The following RSPO1 variants were observed in gnomAD, a reference collection of about 807,000 sequenced individuals.
RSPO1 encodes R-spondin 1, also known as R-spondin-1.
In RSPO1, 18 loss-of-function variants were observed where a neutral mutation model predicts 26.0. The ratio of observed to expected loss-of-function variants is 0.69; its 90% confidence interval spans 0.48 to 1.03. The LOEUF is 1.03. RSPO1 is among the 50% of genes least tolerant of loss of function. The probability of loss-of-function intolerance (pLI) is 0.00; values close to 1 mark genes in which losing one functional copy is unlikely to be tolerated. For missense variants in RSPO1, 309 were observed against 352.3 expected (o/e 0.88, Z 0.98); for synonymous variants, 133 against 137.4 (o/e 0.97, Z 0.22).
At chr1:37,617,138 A>C (rs755047485) in intron 3 of RSPO1, among the ~76,000 whole-genome samples, 7 of 152,212 alleles carry the variant, frequency 4.6e-5, no homozygotes, top group Non-Finnish European at 1.0e-4. Context: ...GGAATAATCT[A>C]TGCCTAGAAC....
At chr1:37,624,468 TC>T (rs1288094679) in intron 3 of RSPO1, among the ~76,000 whole-genome samples, 1 of 122,482 alleles carries the variant, frequency 8.2e-6, no homozygotes, top group Non-Finnish European at 1.7e-5. Context: ...CAAACCACCA[TC>T]CCCCCCAACC....
At chr1:37,633,274 G>A (rs1378218662) in intron 1 of RSPO1, among the ~76,000 whole-genome samples, 1 of 152,216 alleles carries the variant, frequency 6.6e-6, no homozygotes, top group African/African-American at 2.4e-5. Context: ...GGGGCAACCC[G>A]CTGGGAGCTG....
Position 37,612,753 on chromosome 1 carries a change from C to G in RSPO1, c.*2G>C, listed in dbSNP as rs757646904. 6.2e-7 allele frequency: 1 copy of G among 1,609,834 alleles called. No individual in the cohort carries two copies. The highest frequency in any genetic ancestry group is 8.5e-7 in the Non-Finnish European group (1 of 1,179,954). ...CATGGGCCTGGAGGCTGGACAGTGT[C>G]CCTAGGCAGGCCCTGCAGATGTGAG... On this transcript the variant is annotated 3_prime_UTR_variant, in exon 7 of 7. Transcript: ENST00000356545.
Position 37,612,918 on chromosome 1 carries a change from T to C in RSPO1, c.629A>G (p.Gln210Arg), listed in dbSNP as rs776626302. Reference protein sequence around the residue: ...TVRRVPCPEGQKRRKGGQGRR... With the variant: ...TVRRVPCPEGRKRRKGGQGRR... The stretch of plus-strand genomic sequence containing the variant: ...GCCCTGGCCTCCCTTCCTCCTCTTC[T>C]GCCCTGAAACAACCAAACAGCAGGA... Residue 210 changes from glutamine to arginine, a missense_variant, in exon 7 of 7, where the codon CAG becomes CGG. Physicochemically the swap from Gln to Arg is conservative, Grantham distance 43. Coordinates refer to ENST00000356545, the MANE Select transcript of RSPO1 (RefSeq NM_001242908.2). 8 of 1,614,024 alleles carry C rather than the reference T, an allele frequency of 5.0e-6. No homozygotes were observed. In the South Asian group the frequency reaches 8.8e-5, roughly 18 times the overall value.
At chr1:37,618,539 C>T (rs1266827195) in intron 3 of RSPO1, among the ~76,000 whole-genome samples, 1 of 152,048 alleles carries the variant, frequency 6.6e-6, no homozygotes, top group African/African-American at 2.4e-5. Context: ...GATGGAAGAA[C>T]TGTTTGGGAG....
At chr1:37,614,159 G>C (rs1458138691) in intron 5 of RSPO1, 25 bp downstream of exon 5, 5 of 1,610,592 alleles carry the variant, frequency 3.1e-6, no homozygotes, top group East Asian at 2.2e-5. Context: ...TGGACCCTCT[G>C]CCCACAGTGC....
At position 37,613,903 on chromosome 1, in the gene RSPO1, G is replaced by A. The variant is rs749883882; in HGVS notation, c.437-11C>T. 6 of 1,613,702 alleles carry A rather than the reference G, an allele frequency of 3.7e-6. No homozygotes were observed. The African/African-American group carries it at 6.7e-5, about 18-fold the overall frequency. On this transcript the variant is annotated splice_polypyrimidine_tract_variant and intron_variant, in intron 5 of 6. Coordinates refer to ENST00000356545, the MANE Select transcript of RSPO1 (RefSeq NM_001242908.2). The surrounding 1 kb of genome is among the most constrained non-coding windows in gnomAD (Gnocchi z 4.5). ...TCATTTCACATTGCGCTGGCAGGAA[G>A]AGAAGGGAAGGGAGAGAAGGACAAG... is the stretch of plus-strand genomic sequence containing the variant.
intron 2 of RSPO1, among the ~76,000 whole-genome samples, chr1:37,630,229 C>T (rs187335558): frequency 9.4e-4 from 143 of 152,350 alleles, no homozygotes; most frequent in African/African-American, 2.7e-3. Context: ...GCTGGTCCCA[C>T]CCCTGCTTCA....
At chr1:37,625,385 T>C (rs1644260721) in intron 3 of RSPO1, among the ~76,000 whole-genome samples, 1 of 152,010 alleles carries the variant, frequency 6.6e-6, no homozygotes, top group African/African-American at 2.4e-5. Context: ...TCAGGTGGGA[T>C]GGGTTAGGGA....
At chr1:37,612,998 G>C in intron 6 of RSPO1, 77 bp from the exon 7 acceptor site, 4 of 1,542,798 alleles carry the variant, frequency 2.6e-6, no homozygotes, top group Non-Finnish European at 3.6e-6. Flanking sequence ...GGCCCTAGGA[G>C]GGGAGTGTGA....
At chr1:37,625,469 G>C (rs1644261728) in intron 3 of RSPO1, among the ~76,000 whole-genome samples, 1 of 152,102 alleles carries the variant, frequency 6.6e-6, no homozygotes, top group African/African-American at 2.4e-5. Flanking sequence ...TCTAGTCTTG[G>C]AGGAAATGGG....
rs571849820 is a variant in RSPO1 at position 37,622,252 on chromosome 1, G to A, written c.95-5577C>T. 1.6e-4 allele frequency among the ~76,000 whole-genome samples: 25 copies of A among 152,334 alleles called. No homozygotes were observed. The South Asian group carries it at 5.2e-3, about 32-fold the overall frequency. On this transcript the variant is annotated intron_variant, in intron 3 of 6. Transcript: ENST00000356545. ...CATGTGAGCCCAACCTGGTGGTGGC[G>A]ACCTGGTAAGTGTAGTTTTGGTGGG... is the stretch of plus-strand genomic sequence containing the variant.
intron 3 of RSPO1, among the ~76,000 whole-genome samples, chr1:37,622,992 A>G (rs1464393660): frequency 6.6e-6 from 1 of 152,074 alleles, no homozygotes; most frequent in African/African-American, 2.4e-5. Flanking sequence ...TTGATGGAGT[A>G]GAGACCCGAG....
At position 37,629,551 on chromosome 1, in the gene RSPO1, C is replaced by G. The variant is rs751049615; in HGVS notation, c.94+17G>C. ...ATTCCCAAGGCCAGCTGTGGCCCAC[C>G]ATGCTCCATTACTCACTCCGCCTCT... On this transcript the variant is annotated intron_variant, in intron 3 of 6. Transcript: ENST00000356545. 2.5e-6 allele frequency: 4 copies of G among 1,612,362 alleles called. No individual in the cohort carries two copies. Among genetic ancestry groups the G allele is most frequent in the Non-Finnish European group, 3.4e-6 (4 of 1,178,480 alleles).
intron 3 of RSPO1, among the ~76,000 whole-genome samples, chr1:37,627,074 G>A (rs1255739337): frequency 6.6e-6 from 1 of 152,118 alleles, no homozygotes; most frequent in Non-Finnish European, 1.5e-5. Flanking sequence ...ATCAGACATG[G>A]CTTCAAAACT....
chr1:37,614,047 TG>T, intron 5 of RSPO1, 136 bp downstream of exon 5: 1 of 1,330,394 alleles, frequency 7.5e-7, no homozygotes, highest in Non-Finnish European at 1.1e-6. Context: ...GAAAAGTCCT[TG>T]GAGACTCAGA....
chr1:37,626,478 C>T (rs1297626383), intron 3 of RSPO1, among the ~76,000 whole-genome samples: 1 of 152,214 alleles, frequency 6.6e-6, no homozygotes, highest in Non-Finnish European at 1.5e-5. Context: ...GGGTTTTCTC[C>T]TGTGCGGCAT....
At position 37,630,019 on chromosome 1, in the gene RSPO1, T is replaced by C. The variant is rs1644333784; in HGVS notation, c.-288-70A>G. ...ACACTCCCACTTATGCCTCCTGCCC[T>C]ACCCAGAAGACTGGGAGCTCAAAAT... On this transcript the variant is annotated intron_variant, in intron 2 of 6. Transcript: ENST00000356545. The C allele has an allele frequency of 4.2e-6, 3 of 717,992 alleles. No individual in the cohort carries two copies. In the East Asian group the frequency reaches 8.1e-5, roughly 19 times the overall value. 44.5% of individuals were successfully genotyped at this position (717,992 alleles called of 1,614,324 possible).
chr1:37,623,843 T>TTGGCTCA (rs1644239070), intron 3 of RSPO1, among the ~76,000 whole-genome samples: 2 of 147,710 alleles, frequency 1.4e-5, no homozygotes, highest in Non-Finnish European at 3.0e-5. Flanking sequence ...CACTGCAACC[T>TTGGCTCA]CCGCCTCCTG....
Sources: allele counts gnomAD v4.1 joint callset (sites outside exome capture counted in the v4.1 genomes callset), GRCh38; gene constraint gnomAD v4.1.1; non-coding constraint Gnocchi (gnomAD v3.1); transcripts MANE v1.5; gene names NCBI Gene and HGNC (gene_info 2026-07-23, HGNC 2026-07-21).